Variants in TMCO5A observed in about 807,000 individuals in gnomAD.
The protein encoded by TMCO5A is transmembrane and coiled-coil domain-containing protein 5A.
In TMCO5A, 34 loss-of-function variants were observed where a neutral mutation model predicts 42.3. The ratio of observed to expected loss-of-function variants is 0.80; its 90% CI spans 0.61 to 1.07. The LOEUF is 1.07. Among genes scored for constraint, TMCO5A ranks in the 50% least tolerant of loss-of-function variants. The probability of loss-of-function intolerance (pLI) is 0.00; values close to 1 mark genes in which losing one functional copy is unlikely to be tolerated. For missense variants in TMCO5A, 357 were observed against 327.9 expected, an observed-to-expected ratio of 1.09 and a Z score of -0.69; for synonymous variants, 131 against 115.6, an observed-to-expected ratio of 1.13 and a Z score of -0.86.
intron 7 of TMCO5A, 31 bp downstream of exon 7, chr15:37,941,236 C>A: frequency 6.2e-7 from 1 of 1,602,658 alleles, no homozygotes; most frequent in Non-Finnish European, 8.5e-7. Flanking sequence ...GTGACTTCTC[C>A]CCAAAAAGGG....
At chr15:37,980,485 T>C in the TMCO5A span, among the ~76,000 whole-genome samples, 1 of 152,118 alleles carries the variant, frequency 6.6e-6, no homozygotes, top group Non-Finnish European at 1.5e-5. Context: ...CTCTTCTCCG[T>C]TCTCCATGAG....
At chr15:37,948,168 T>C (rs1462095837) in intron 11 of TMCO5A, among the ~76,000 whole-genome samples, 3 of 152,104 alleles carry the variant, frequency 2.0e-5, no homozygotes, top group Non-Finnish European at 4.4e-5. Context: ...TAATGGTTGC[T>C]TGAAAATACT....
At chr15:37,971,428 G>A (rs1035188543), downstream of TMCO5A, among the ~76,000 whole-genome samples, 4 of 152,230 alleles carry the variant, frequency 2.6e-5, no homozygotes, top group African/African-American at 9.6e-5. Flanking sequence ...CTCCAGGCCT[G>A]TGATTGGAGG....
At chr15:37,965,374 C>A (rs1890532177) in intron 11 of TMCO5A, among the ~76,000 whole-genome samples, 1 of 151,970 alleles carries the variant, frequency 6.6e-6, no homozygotes, top group African/African-American at 2.4e-5. Flanking sequence ...TTAAGTAATA[C>A]AAGCACAGGC....
At chr15:38,023,853 G>A in the TMCO5A span, among the ~76,000 whole-genome samples, 11 of 152,260 alleles carry the variant, frequency 7.2e-5, no homozygotes, top group East Asian at 1.9e-3. Context: ...AAAGGACTAG[G>A]TAATATAAAA....
the TMCO5A span, among the ~76,000 whole-genome samples, chr15:38,007,528 T>G: frequency 6.6e-6 from 1 of 152,326 alleles, no homozygotes; most frequent in Admixed American, 6.5e-5. Context: ...ATTTCTGTAC[T>G]TCTCAAAGCT....
the TMCO5A span, among the ~76,000 whole-genome samples, chr15:37,975,122 G>A: frequency 2.0e-5 from 3 of 151,938 alleles, no homozygotes; most frequent in African/African-American, 7.3e-5. Context: ...GTATAATTTG[G>A]GTTTTTTAAA....
the TMCO5A span, among the ~76,000 whole-genome samples, chr15:37,982,064 A>T: frequency 6.8e-4 from 103 of 152,352 alleles, no homozygotes; most frequent in African/African-American, 2.4e-3. Flanking sequence ...TTCCTGCTAG[A>T]TGCGGAACAG....
chr15:38,017,278 G>A, the TMCO5A span, among the ~76,000 whole-genome samples: 1 of 152,150 alleles, frequency 6.6e-6, no homozygotes, highest in Non-Finnish European at 1.5e-5. Context: ...TAGTAAAGAA[G>A]GAGGGGTGAT....
the TMCO5A span, among the ~76,000 whole-genome samples, chr15:38,025,173 GT>G: frequency 2.6e-5 from 1 of 38,906 alleles, no homozygotes; most frequent in Non-Finnish European, 6.2e-5. Context: ...GTGTGTGTGT[GT>G]GTGTGTGTGT....
At chr15:38,023,993 G>T in the TMCO5A span, among the ~76,000 whole-genome samples, 1 of 152,112 alleles carries the variant, frequency 6.6e-6, no homozygotes, top group Non-Finnish European at 1.5e-5. Context: ...TAGGACATGG[G>T]AACTCCTGTG....
Position 37,942,272 on chromosome 15 carries a change from G to C in TMCO5A, c.569+17G>C. On this transcript the variant is annotated intron_variant, in intron 9 of 11. Coordinates refer to ENST00000319669, the MANE Select transcript of TMCO5A (RefSeq NM_152453.4). ...GAGAGAAGTGTGAGCTTTGGCAAAG[G>C]AACATCCTGGTTTTGGTAGAAACTC... is the stretch of plus-strand genomic sequence containing the variant. 2 of 1,610,770 alleles carry C rather than the reference G, an allele frequency of 1.2e-6. No homozygotes were observed. Among genetic ancestry groups the C allele is most frequent in the Admixed American group, 1.7e-5 (1 of 59,536 alleles).
At chr15:37,969,802 G>A (rs1335397738), downstream of TMCO5A, among the ~76,000 whole-genome samples, 1 of 152,136 alleles carries the variant, frequency 6.6e-6, no homozygotes, top group African/African-American at 2.4e-5. Context: ...CTGTTCCTGA[G>A]TTAGTTTGCT....
Position 37,951,298 on chromosome 15 carries a change from A to T in TMCO5A, c.*64A>T. 6.6e-7 allele frequency: 1 copy of T among 1,508,920 alleles called. No homozygotes were observed. Among genetic ancestry groups the T allele is most frequent in the Admixed American group, 1.8e-5 (1 of 55,078 alleles). 93.5% of individuals were successfully genotyped at this position (1,508,920 alleles called of 1,614,324 possible). On this transcript the variant is annotated 3_prime_UTR_variant, in exon 12 of 12. Coordinates refer to ENST00000319669, the MANE Select transcript of TMCO5A (RefSeq NM_152453.4). ...GGATCCGAGCCTGTAGAAGGGAGGC[A>T]TGAAACTTGTGGAGGAAAGAGATTT...
chr15:37,988,712 G>A, the TMCO5A span, among the ~76,000 whole-genome samples: 2 of 152,136 alleles, frequency 1.3e-5, no homozygotes, highest in African/African-American at 2.4e-5. Flanking sequence ...TGGTCATGGT[G>A]TATAATCTCT....
At chr15:37,977,773 C>G in the TMCO5A span, among the ~76,000 whole-genome samples, 1 of 152,312 alleles carries the variant, frequency 6.6e-6, no homozygotes, top group South Asian at 2.1e-4. Context: ...GTGGCAATGG[C>G]AAAAGGTCTT....
intron 2 of TMCO5A, chr15:37,936,046 CT>C (rs1334510726): frequency 3.7e-6 from 1 of 269,100 alleles, no homozygotes; most frequent in Non-Finnish European, 6.9e-6. Context: ...GGAAGCAAAG[CT>C]TCTCAAGAAA....
the TMCO5A span, among the ~76,000 whole-genome samples, chr15:38,002,805 G>A: frequency 3.3e-5 from 5 of 152,146 alleles, no homozygotes; most frequent in Admixed American, 2.6e-4. Context: ...CAGCTATTTT[G>A]AGTTCTCTGT....
At chr15:38,010,610 T>C in the TMCO5A span, among the ~76,000 whole-genome samples, 1 of 152,082 alleles carries the variant, frequency 6.6e-6, no homozygotes, top group Non-Finnish European at 1.5e-5. Context: ...AATTTCAGCC[T>C]AGTGATACTG....
Sources: gnomAD v4.1 joint callset for allele counts (sites outside exome capture counted in the v4.1 genomes callset) on GRCh38, gnomAD v4.1.1 for gene constraint, MANE v1.5 for transcripts, NCBI Gene and HGNC (gene_info 2026-07-23, HGNC 2026-07-21) for gene names.